MYO9B: variants seen among roughly 807,000 people sequenced by gnomAD.
The protein encoded by MYO9B is myosin IXB.
In MYO9B, 71 loss-of-function variants were observed where a neutral mutation model predicts 229.5. The observed-to-expected ratio is 0.31, with a 90% confidence interval of 0.26 to 0.38. The LOEUF (loss-of-function observed/expected upper bound fraction) is 0.38. MYO9B is among the 10% of genes least tolerant of loss of function. The pLI, the probability that MYO9B is intolerant of heterozygous loss-of-function variation, is 1.00. For missense variants in MYO9B, 2,255 were observed against 2,920.5 expected (o/e 0.77, Z 5.25); for synonymous variants, 1,185 against 1,235.8 (o/e 0.96, Z 0.86).
At chr19:17,091,995 C>T (rs2057642949) in intron 1 of MYO9B, among the ~76,000 whole-genome samples, 1 of 152,220 alleles carries the variant, frequency 6.6e-6, no homozygotes. Context: ...TCAGAGGGCT[C>T]CTGGTGCTCC....
At chr19:17,131,417 C>T (rs1169066254) in intron 2 of MYO9B, among the ~76,000 whole-genome samples, 4 of 152,154 alleles carry the variant, frequency 2.6e-5, no homozygotes, top group Admixed American at 6.5e-5. Flanking sequence ...TACAGGCGCA[C>T]GCCACCATGC....
At chr19:17,136,592 C>T (rs949044583) in intron 2 of MYO9B, among the ~76,000 whole-genome samples, 1 of 151,776 alleles carries the variant, frequency 6.6e-6, no homozygotes, top group Non-Finnish European at 1.5e-5. Context: ...CTTTGGTTAT[C>T]CCAGATGGCA....
intron 2 of MYO9B, among the ~76,000 whole-genome samples, chr19:17,120,310 T>G (rs1320359543): frequency 6.6e-6 from 1 of 152,180 alleles, no homozygotes; most frequent in African/African-American, 2.4e-5. Flanking sequence ...CTACTGCCCC[T>G]TTTCAGAGCA....
intron 16 of MYO9B, chr19:17,184,434 A>G: frequency 5.7e-6 from 1 of 176,142 alleles, no homozygotes; most frequent in Non-Finnish European, 1.2e-5. Flanking sequence ...TCCTCTTGTC[A>G]GCTGATAGAA....
rs557426647 is a variant in MYO9B, at chr19:17,091,636, C to A, written c.-58-10024C>A. Among the ~76,000 whole-genome samples, 45 of 152,288 alleles carry A rather than the reference C, an allele frequency of 3.0e-4. No homozygotes were observed. In the East Asian group the frequency reaches 6.8e-3, roughly 23 times the overall value. Reference sequence around the variant, plus strand: ...GTGGGTGAAAGGACAGGCCCATGGTCCCACCTGTGGGAGCAGGAGAGGACC... The same window carrying A: ...GTGGGTGAAAGGACAGGCCCATGGTACCACCTGTGGGAGCAGGAGAGGACC... On this transcript the variant is annotated intron_variant, in intron 1 of 39. Coordinates refer to ENST00000682292, the MANE Select transcript of MYO9B (RefSeq NM_004145.4).
intron 2 of MYO9B, among the ~76,000 whole-genome samples, chr19:17,112,215 G>A (rs1302376683): frequency 2.6e-5 from 4 of 152,210 alleles, no homozygotes; most frequent in Non-Finnish European, 4.4e-5. Flanking sequence ...CCCTGGGAAG[G>A]AGGAGAGCAG....
chr19:17,130,607 G>T (rs552725199), intron 2 of MYO9B, among the ~76,000 whole-genome samples: 3 of 150,330 alleles, frequency 2.0e-5, no homozygotes, highest in Non-Finnish European at 1.5e-5. Flanking sequence ...GTGACAGAGC[G>T]AGACTCCGTC....
chr19:17,167,688 A>G (rs987041069), intron 10 of MYO9B, among the ~76,000 whole-genome samples: 1 of 152,008 alleles, frequency 6.6e-6, no homozygotes, highest in African/African-American at 2.4e-5. Context: ...TATGTTGGTC[A>G]GGCTGGTCTC....
intron 10 of MYO9B, 131 bp downstream of exon 10, chr19:17,163,253 G>A: frequency 9.9e-7 from 1 of 1,007,934 alleles, no homozygotes; most frequent in Non-Finnish European, 1.4e-6. Context: ...GCATTGTTAT[G>A]CAAACGCCAC....
At chr19:17,082,189 G>T (rs530154861) in intron 1 of MYO9B, among the ~76,000 whole-genome samples, 1 of 152,280 alleles carries the variant, frequency 6.6e-6, no homozygotes, top group East Asian at 1.9e-4. Flanking sequence ...AATAGCCCTC[G>T]CCTCTGTTCA....
chr19:17,100,353 G>A (rs1304895717), intron 1 of MYO9B, among the ~76,000 whole-genome samples: 2 of 151,256 alleles, frequency 1.3e-5, no homozygotes, highest in Non-Finnish European at 2.9e-5. Context: ...CATGCCTATA[G>A]TCCCAGCTAC....
At position 17,145,355 on chromosome 19, in the gene MYO9B, T is replaced by A. The variant is rs377254912; in HGVS notation, c.841-42T>A. 18 of 1,533,362 alleles carry A rather than the reference T, an allele frequency of 1.2e-5. No homozygotes were observed. In the African/African-American group the frequency reaches 2.4e-4, roughly 20 times the overall value. 95.0% of individuals were successfully genotyped at this position (1,533,362 alleles called of 1,614,324 possible). A position where few individuals can be genotyped will look rare whatever the true frequency, so the allele number is the denominator to read the frequency against. ...GAGAGGAAAAAAAAGAAAAAGAAAT[T>A]CCACCCTCCTGATCTGAAACCTGCT... On this transcript the variant is annotated intron_variant, in intron 2 of 39. Coordinates refer to ENST00000682292, the MANE Select transcript of MYO9B (RefSeq NM_004145.4).
In MYO9B at chr19:17,175,691, C is replaced by A. The variant is rs1406767993; in HGVS notation, c.2169C>A (p.His723Gln). The A allele has an allele frequency of 6.3e-7, 1 of 1,575,234 alleles. No homozygotes were observed. Among genetic ancestry groups the A allele is most frequent in the Non-Finnish European group, 8.6e-7 (1 of 1,160,872 alleles). The stretch of plus-strand genomic sequence containing the variant: ...TGAGCAGCCCTGGTGCCCAAAGTCA[C>A]CCAGAAGAGCTGCCAAGAGGAGCCA... The part of the protein sequence containing the change: ...AGMSSPGAQS[H>Q]PEELPRGAST... The change falls in exon 14 of 40, where the codon CAC becomes CAA. Residue 723 changes from histidine to glutamine, a missense_variant. Physicochemically the swap from His to Gln is conservative, Grantham distance 24 (BLOSUM62 0). This residue lies in a region of MYO9B where 155 missense variants were observed against 159.1 expected (regional missense o/e 0.97). Transcript: ENST00000682292.
chr19:17,206,226 A>ATCCCCCCCCCCCCCCC, intron 32 of MYO9B, 22 bp from the exon 33 acceptor site: 1 of 654,258 alleles, frequency 1.5e-6, no homozygotes, highest in Non-Finnish European at 2.5e-6. Flanking sequence ...CGCTCACCAG[A>ATCCCCCCCCCCCCCCC]CCCACCCCAC....
intron 11 of MYO9B, among the ~76,000 whole-genome samples, chr19:17,169,010 A>G (rs888584526): frequency 3.9e-5 from 6 of 152,086 alleles, no homozygotes; most frequent in African/African-American, 1.4e-4. Context: ...TGGCTCCTCT[A>G]AGGAACCGCT....
intron 1 of MYO9B, among the ~76,000 whole-genome samples, chr19:17,091,894 G>C (rs137925952): frequency 1.3e-5 from 2 of 152,322 alleles, no homozygotes; most frequent in Non-Finnish European, 2.9e-5. Flanking sequence ...CCATCTCTGA[G>C]AGTGGGGTTT....
At chr19:17,119,854 TAGTC>T (rs2057944800) in intron 2 of MYO9B, among the ~76,000 whole-genome samples, 1 of 152,090 alleles carries the variant, frequency 6.6e-6, no homozygotes. Context: ...TTCACCATGT[TAGTC>T]AGGATGGTCT....
At chr19:17,118,173 A>G (rs2057925061) in intron 2 of MYO9B, among the ~76,000 whole-genome samples, 1 of 151,920 alleles carries the variant, frequency 6.6e-6, no homozygotes, top group South Asian at 2.1e-4. Context: ...TTAAAGAATG[A>G]CCCGGCTGCA....
chr19:17,091,837 G>T (rs1240779716), intron 1 of MYO9B, among the ~76,000 whole-genome samples: 2 of 152,176 alleles, frequency 1.3e-5, no homozygotes, highest in African/African-American at 2.4e-5. Flanking sequence ...CTCCTGGCCT[G>T]GGGGCGGGGC....
Sources: allele counts gnomAD v4.1 joint callset (sites outside exome capture counted in the v4.1 genomes callset), GRCh38; gene constraint gnomAD v4.1.1; regional missense constraint gnomAD v4.1.1; transcripts MANE v1.5; gene names NCBI Gene and HGNC (gene_info 2026-07-23, HGNC 2026-07-21).